The following ROBO2 variants were observed in gnomAD, a reference collection of about 807,000 sequenced individuals.
The protein encoded by ROBO2 is roundabout homolog 2.
ROBO2 carries 53 observed loss-of-function variants against 160.8 expected under a neutral mutation model. That is an observed-to-expected ratio of 0.33 (90% CI 0.26 to 0.41). The LOEUF (loss-of-function observed/expected upper bound fraction) is 0.41. Among genes scored for constraint, ROBO2 ranks in the 10% least tolerant of loss-of-function variants. The pLI is 1.00. For synonymous variants in ROBO2, 664 were observed against 611.7 expected (o/e 1.09, Z -1.26); for missense variants, 1,577 against 1,722.4 (o/e 0.92, Z 1.49).
At chr3:77,073,655 C>T (rs2067644451) in intron 1 of ROBO2, among the ~76,000 whole-genome samples, 1 of 152,136 alleles carries the variant, frequency 6.6e-6, no homozygotes, top group Non-Finnish European at 1.5e-5. Flanking sequence ...TTCCTGAGTC[C>T]TCCTTGAGCA....
chr3:76,786,466 A>G (rs2062982042), intron 2 of ROBO2, among the ~76,000 whole-genome samples: 1 of 151,316 alleles, frequency 6.6e-6, no homozygotes, highest in Non-Finnish European at 1.5e-5. Context: ...ACAAGGTGGT[A>G]GCAGAAAGAA....
At chr3:76,070,913 G>A (rs376589438) in intron 2 of ROBO2, among the ~76,000 whole-genome samples, 18 of 152,138 alleles carry the variant, frequency 1.2e-4, no homozygotes, top group Non-Finnish European at 1.6e-4. Flanking sequence ...TTAATGTCAC[G>A]AAAACAAGTG....
intron 2 of ROBO2, among the ~76,000 whole-genome samples, chr3:76,549,898 A>G (rs1371683288): frequency 6.6e-6 from 1 of 152,194 alleles, no homozygotes; most frequent in African/African-American, 2.4e-5. Context: ...GTGTAAAAGT[A>G]AACTCATTCC....
chr3:77,210,712 A>G (rs1258910250), intron 2 of ROBO2, among the ~76,000 whole-genome samples: 1 of 152,100 alleles, frequency 6.6e-6, no homozygotes, highest in Non-Finnish European at 1.5e-5. Context: ...AACATTAGGT[A>G]TATCTCCTAA....
Position 76,429,187 on chromosome 3 carries a change from C to CACAT in ROBO2, c.109+491588_109+491589insTACA, listed in dbSNP as rs1553750055. On this transcript the variant is annotated intron_variant, in intron 2 of 26. Coordinates refer to the ROBO2 transcript ENST00000487694. ...GGGCGCACACACACACACACACACACACACACCCACTCACTCACACTCAGG... is the reference window on the plus strand; with the variant it reads ...GGGCGCACACACACACACACACACACACATACACACCCACTCACTCACACTCAGG... 8.6e-5 allele frequency among the ~76,000 whole-genome samples: 13 copies of CACAT among 151,410 alleles called. 2 individuals are homozygous for CACAT. Among genetic ancestry groups the CACAT allele is most frequent in the African/African-American group, 2.2e-4 (9 of 41,238 alleles).
chr3:77,296,238 A>G (rs2062094603), intron 2 of ROBO2, among the ~76,000 whole-genome samples: 3 of 151,946 alleles, frequency 2.0e-5, no homozygotes, highest in Non-Finnish European at 4.4e-5. Flanking sequence ...AGAACAGTAA[A>G]GACATAAAGT....
intron 2 of ROBO2, among the ~76,000 whole-genome samples, chr3:76,416,370 T>G (rs1192647667): frequency 6.6e-6 from 1 of 152,146 alleles, no homozygotes; most frequent in Non-Finnish European, 1.5e-5. Flanking sequence ...ATGAAGTAGC[T>G]TTGAAAGGAT....
intron 2 of ROBO2, among the ~76,000 whole-genome samples, chr3:77,409,744 G>A (rs967399872): frequency 6.6e-6 from 1 of 152,066 alleles, no homozygotes; most frequent in Non-Finnish European, 1.5e-5. Flanking sequence ...AAAATGTTCT[G>A]GCAGCTCAGT....
intron 2 of ROBO2, among the ~76,000 whole-genome samples, chr3:76,193,517 G>T (rs1308668345): frequency 6.6e-6 from 1 of 152,110 alleles, no homozygotes; most frequent in Non-Finnish European, 1.5e-5. Context: ...GCCTTACCTT[G>T]TTCTAGGGCA....
At chr3:76,290,605 C>T (rs894289138) in intron 2 of ROBO2, among the ~76,000 whole-genome samples, 4 of 152,056 alleles carry the variant, frequency 2.6e-5, no homozygotes, top group African/African-American at 9.7e-5. Flanking sequence ...TTCCAGTTCT[C>T]AAGGCGTATG....
chr3:77,333,876 A>G (rs2066225621), intron 2 of ROBO2, among the ~76,000 whole-genome samples: 1 of 152,212 alleles, frequency 6.6e-6, no homozygotes, highest in Non-Finnish European at 1.5e-5. Context: ...TGGAAAGGGT[A>G]TTAACTAGCA....
At chr3:77,425,961 C>A (rs1440660333) in intron 2 of ROBO2, among the ~76,000 whole-genome samples, 2 of 152,008 alleles carry the variant, frequency 1.3e-5, no homozygotes, top group Non-Finnish European at 2.9e-5. Flanking sequence ...CAGCGCCCAG[C>A]CCCTTAATAT....
At chr3:75,967,790 T>G (rs1002676380) in intron 2 of ROBO2, among the ~76,000 whole-genome samples, 4 of 151,504 alleles carry the variant, frequency 2.6e-5, no homozygotes, top group Non-Finnish European at 5.9e-5. Context: ...GCAGAGATTT[T>G]CAGGAATCAC....
At chr3:76,090,566 A>G (rs976585173) in intron 2 of ROBO2, among the ~76,000 whole-genome samples, 2 of 152,218 alleles carry the variant, frequency 1.3e-5, no homozygotes, top group Non-Finnish European at 2.9e-5. Context: ...TAATCTTAGC[A>G]AGTTATTCTA....
intron 2 of ROBO2, among the ~76,000 whole-genome samples, chr3:77,157,610 G>C (rs1375014680): frequency 6.6e-6 from 1 of 152,030 alleles, no homozygotes; most frequent in Non-Finnish European, 1.5e-5. Context: ...TTAGCAATTA[G>C]TAATATGTGA....
intron 9 of ROBO2, among the ~76,000 whole-genome samples, chr3:77,561,426 A>G (rs963475296): frequency 5.9e-5 from 9 of 152,150 alleles, no homozygotes; most frequent in Non-Finnish European, 1.2e-4. Context: ...AGTGTAAGCC[A>G]CAAGGCTTGA....
chr3:76,617,183 G>A (rs1280394762), intron 2 of ROBO2, among the ~76,000 whole-genome samples: 1 of 151,954 alleles, frequency 6.6e-6, no homozygotes, highest in Non-Finnish European at 1.5e-5. Flanking sequence ...CTATTCTAAG[G>A]GCTTAGAGAT....
At chr3:76,586,191 G>A (rs1259244487) in intron 2 of ROBO2, among the ~76,000 whole-genome samples, 1 of 152,172 alleles carries the variant, frequency 6.6e-6, no homozygotes, top group Non-Finnish European at 1.5e-5. Context: ...TTCTGCAAAA[G>A]TGCACAGCTG....
At chr3:76,898,409 T>A (rs1476285783) in intron 2 of ROBO2, among the ~76,000 whole-genome samples, 1 of 152,090 alleles carries the variant, frequency 6.6e-6, no homozygotes, top group Non-Finnish European at 1.5e-5. Context: ...ACTCTTAAGA[T>A]GGCACATATA....
Sources: allele counts gnomAD v4.1 joint callset (sites outside exome capture counted in the v4.1 genomes callset), GRCh38; gene constraint gnomAD v4.1.1; transcripts MANE v1.5; gene names NCBI Gene and HGNC (gene_info 2026-07-23, HGNC 2026-07-21).